TAFA2: variants seen among roughly 807,000 people sequenced by gnomAD.
The protein encoded by TAFA2 is TAFA chemokine like family member 2.
TAFA2 carries 7 observed loss-of-function variants against 18.8 expected under a neutral mutation model. That is an observed-to-expected ratio of 0.37 (90% CI 0.21 to 0.70). The LOEUF (loss-of-function observed/expected upper bound fraction) is 0.70. TAFA2 is among the 30% of genes least tolerant of loss of function. The probability of loss-of-function intolerance (pLI) is 0.53; values close to 1 mark genes in which losing one functional copy is unlikely to be tolerated. For missense variants in TAFA2, 122 were observed against 158.1 expected, an observed-to-expected ratio of 0.77 and a Z score of 1.23; for synonymous variants, 60 against 54.2, an observed-to-expected ratio of 1.11 and a Z score of -0.47.
intron 1 of TAFA2, among the ~76,000 whole-genome samples, chr12:61,994,870 A>G (rs76412270): frequency 0.025 from 3,782 of 152,202 alleles, 154 homozygotes; most frequent in African/African-American, 0.083. Flanking sequence ...AGCCTGGGCC[A>G]GCTCTTCTCT....
intron 1 of TAFA2, among the ~76,000 whole-genome samples, chr12:62,106,447 G>T (rs563094481): frequency 6.6e-6 from 1 of 152,152 alleles, no homozygotes; most frequent in African/African-American, 2.4e-5. Flanking sequence ...AAATTCAGAC[G>T]TTATCCAAAA....
At chr12:61,820,358 T>G (rs1015410467) in intron 2 of TAFA2, among the ~76,000 whole-genome samples, 4 of 152,154 alleles carry the variant, frequency 2.6e-5, no homozygotes, top group South Asian at 2.1e-4. Context: ...TAAATATAAG[T>G]TGATGTTCAC....
At chr12:61,872,072 T>A (rs200864422) in intron 1 of TAFA2, among the ~76,000 whole-genome samples, 1 of 151,914 alleles carries the variant, frequency 6.6e-6, no homozygotes, top group Non-Finnish European at 1.5e-5. Flanking sequence ...ATTTAATTGT[T>A]AAAAGCAAGA....
chr12:62,198,415 A>G (rs987839913), intron 1 of TAFA2: 1 of 152,234 alleles, frequency 6.6e-6, no homozygotes, highest in African/African-American at 2.4e-5. Context: ...ACCTGGGTTC[A>G]TTAGTAAGAA....
rs916702820 is a variant in TAFA2, at chr12:61,889,615, G to A, written c.-1-22189C>T. On this transcript the variant is annotated intron_variant, in intron 1 of 4. Coordinates refer to ENST00000416284, the MANE Select transcript of TAFA2 (RefSeq NM_178539.5). Reference sequence around the variant, plus strand: ...AATCCAAGACTACTTGCCAAAATCAGCAAACTTTTAAATTCATTAATAGAA... The same window carrying A: ...AATCCAAGACTACTTGCCAAAATCAACAAACTTTTAAATTCATTAATAGAA... Among the ~76,000 whole-genome samples the A allele has an allele frequency of 2.6e-5, 4 of 152,212 alleles. No individual in the cohort carries two copies. The East Asian group carries it at 5.8e-4, about 22-fold the overall frequency.
chr12:61,819,662 A>G (rs1337611838), intron 2 of TAFA2, among the ~76,000 whole-genome samples: 2 of 152,164 alleles, frequency 1.3e-5, no homozygotes, highest in African/African-American at 4.8e-5. Flanking sequence ...TATGCAATTA[A>G]GAATCCAAAA....
At chr12:62,008,088 T>C (rs1270251428) in intron 1 of TAFA2, among the ~76,000 whole-genome samples, 1 of 152,160 alleles carries the variant, frequency 6.6e-6, no homozygotes, top group Non-Finnish European at 1.5e-5. Flanking sequence ...TGTCCTTCTG[T>C]GTCTAGCTTA....
chr12:62,083,560 G>A (rs1288916434), intron 1 of TAFA2, among the ~76,000 whole-genome samples: 6 of 152,184 alleles, frequency 3.9e-5, no homozygotes, highest in Admixed American at 1.3e-4. Flanking sequence ...TTATCAATTT[G>A]AGCCTGAACA....
intron 1 of TAFA2, chr12:62,022,252 CTT>C (rs1251491329): frequency 4.3e-6 from 1 of 229,940 alleles, no homozygotes; most frequent in East Asian, 1.1e-4. Context: ...CTGCTAAAGA[CTT>C]CCAATTTCAT....
At position 62,244,572 on chromosome 12, in the gene TAFA2, T is replaced by A. The variant is rs116802015; in HGVS notation, c.-130+14191A>T. ...GTTTCCTTCTGGATATCTGAAGAAG[T>A]TTCACTACGGTAGATTCCAAGATGT... On this transcript the variant is annotated intron_variant, in intron 1 of 5. Coordinates refer to the TAFA2 transcript ENST00000551619. Among the ~76,000 whole-genome samples, 1,147 of 152,276 alleles carry A rather than the reference T, an allele frequency of 7.5e-3. 16 individuals carry two copies. Among genetic ancestry groups the A allele is most frequent in the African/African-American group, 0.027 (1,113 of 41,558 alleles).
At chr12:62,006,861 T>A (rs970109320) in intron 1 of TAFA2, among the ~76,000 whole-genome samples, 2 of 152,174 alleles carry the variant, frequency 1.3e-5, no homozygotes, top group East Asian at 3.8e-4. Flanking sequence ...GATCCCTAAC[T>A]CATCACAAAT....
intron 2 of TAFA2, among the ~76,000 whole-genome samples, chr12:61,772,280 G>A (rs1394846570): frequency 2.0e-5 from 3 of 151,954 alleles, no homozygotes; most frequent in Non-Finnish European, 4.4e-5. Flanking sequence ...TAAATTCACA[G>A]TTGAATTCTA....
At position 61,835,320 on chromosome 12, in the gene TAFA2, C is replaced by A. The variant is rs114251949; in HGVS notation, c.106+32000G>T. On this transcript the variant is annotated intron_variant, in intron 2 of 4. Transcript: ENST00000416284. ...TTTACTATACTTACAAAAATTAATA[C>A]CAAATTTTGAGCACTTTCCATGTTC... Among the ~76,000 whole-genome samples, 540 of 151,976 alleles carry A rather than the reference C, an allele frequency of 3.6e-3. 4 individuals carry two copies. Among genetic ancestry groups the A allele is most frequent in the African/African-American group, 0.012 (509 of 41,500 alleles).
At chr12:61,819,114 A>G (rs1872215316) in intron 2 of TAFA2, among the ~76,000 whole-genome samples, 1 of 152,174 alleles carries the variant, frequency 6.6e-6, no homozygotes, top group Non-Finnish European at 1.5e-5. Flanking sequence ...GTTGATGTTT[A>G]TATTTACTTG....
At chr12:62,056,094 G>A (rs189566934) in intron 1 of TAFA2, among the ~76,000 whole-genome samples, 55 of 152,142 alleles carry the variant, frequency 3.6e-4, no homozygotes, top group African/African-American at 1.2e-3. Flanking sequence ...ATTAAAGGCC[G>A]AATTCATTCC....
In TAFA2 at chr12:61,787,898, G is replaced by A. The variant is rs144057050; in HGVS notation, c.107-32874C>T. The stretch of plus-strand genomic sequence containing the variant: ...AAACAGTTAAATTATCCAGTTAAAA[G>A]ATATAGAGCGGTCAAATGGATAAAA... On this transcript the variant is annotated intron_variant, in intron 2 of 4. Transcript: ENST00000416284. 1.6e-3 allele frequency among the ~76,000 whole-genome samples: 249 copies of A among 151,724 alleles called. 1 individual carries two copies. The highest frequency in any genetic ancestry group is 3.3e-3 in the Non-Finnish European group (226 of 67,732).
intron 2 of TAFA2, among the ~76,000 whole-genome samples, chr12:61,853,871 G>A (rs1379800330): frequency 1.3e-5 from 2 of 152,180 alleles, no homozygotes; most frequent in African/African-American, 2.4e-5. Context: ...GCTACAGAAT[G>A]CTGAACTTGT....
rs139871984 is a variant in TAFA2, at chr12:61,808,506, A to T, written c.107-53482T>A. ...CATAGAAAATACCTGTAGTAACTCC[A>T]TGGGAAAACTAACCTTAAAATATGA... On this transcript the variant is annotated intron_variant, in intron 2 of 4. Coordinates refer to ENST00000416284, the MANE Select transcript of TAFA2 (RefSeq NM_178539.5). Among the ~76,000 whole-genome samples the T allele has an allele frequency of 2.3e-3, 353 of 151,560 alleles. 23 individuals are homozygous for T. Among genetic ancestry groups the T allele is most frequent in the African/African-American group, 7.7e-3 (315 of 40,842 alleles).
At chr12:62,081,523 C>T (rs983295402) in intron 1 of TAFA2, among the ~76,000 whole-genome samples, 34 of 152,000 alleles carry the variant, frequency 2.2e-4, no homozygotes, top group Middle Eastern at 3.4e-3. Flanking sequence ...CTCTCTCTGT[C>T]ACCCAGGCTG....
Sources: gnomAD v4.1 joint callset for allele counts (sites outside exome capture counted in the v4.1 genomes callset) on GRCh38, gnomAD v4.1.1 for gene constraint, MANE v1.5 for transcripts, NCBI Gene and HGNC (gene_info 2026-07-23, HGNC 2026-07-21) for gene names.